GLCE: variants seen among roughly 807,000 people sequenced by gnomAD.
The protein encoded by GLCE is D-glucuronyl C5-epimerase.
In GLCE, 19 loss-of-function variants were observed where a neutral mutation model predicts 47.9. The observed-to-expected ratio is 0.40, with a 90% confidence interval of 0.28 to 0.58. The LOEUF (loss-of-function observed/expected upper bound fraction) is 0.58. Ranked by LOEUF, GLCE falls within the 20% of genes least tolerant of loss-of-function variation. GLCE has a pLI of 0.48. For missense variants in GLCE, 556 were observed against 743.3 expected (o/e 0.75, Z 2.93); for synonymous variants, 245 against 263.4 (o/e 0.93, Z 0.68).
chr15:69,250,608 A>C (rs1873354849), intron 2 of GLCE, among the ~76,000 whole-genome samples: 1 of 151,618 alleles, frequency 6.6e-6, no homozygotes, highest in African/African-American at 2.4e-5. Context: ...ATCACACTCC[A>C]TTTCCAGCCT....
chr15:69,198,085 G>A (rs963879529), intron 1 of GLCE, among the ~76,000 whole-genome samples: 3 of 151,918 alleles, frequency 2.0e-5, no homozygotes, highest in African/African-American at 7.3e-5. Context: ...TCTTATGTCT[G>A]TACCTTACCC....
chr15:69,166,645 C>A (rs943921679), intron 1 of GLCE, among the ~76,000 whole-genome samples: 2 of 152,130 alleles, frequency 1.3e-5, no homozygotes, highest in African/African-American at 2.4e-5. Context: ...CGAGGCCAGG[C>A]GCGGTGGCTT....
intron 1 of GLCE, among the ~76,000 whole-genome samples, chr15:69,172,413 T>G (rs2051602024): frequency 6.6e-6 from 1 of 152,220 alleles, no homozygotes; most frequent in South Asian, 2.1e-4. Flanking sequence ...AAGTGAACTA[T>G]TAATAGTAGA....
intron 2 of GLCE, among the ~76,000 whole-genome samples, chr15:69,253,400 G>A (rs1368607177): frequency 6.6e-6 from 1 of 152,132 alleles, no homozygotes; most frequent in Non-Finnish European, 1.5e-5. Context: ...TCCCCTCCAG[G>A]GGAACAATCT....
At chr15:69,174,091 A>G (rs1442319339) in intron 1 of GLCE, among the ~76,000 whole-genome samples, 1 of 152,164 alleles carries the variant, frequency 6.6e-6, no homozygotes, top group African/African-American at 2.4e-5. Flanking sequence ...TCCTGAGCTC[A>G]AAGTGATCCA....
chr15:69,208,419 G>A (rs919297879), intron 1 of GLCE, among the ~76,000 whole-genome samples: 14 of 151,874 alleles, frequency 9.2e-5, no homozygotes, highest in Non-Finnish European at 1.8e-4. Context: ...ATATGTCTTT[G>A]AACCTTTGAC....
chr15:69,218,394 G>C (rs1253026873), intron 2 of GLCE, among the ~76,000 whole-genome samples: 2 of 151,660 alleles, frequency 1.3e-5, no homozygotes, highest in East Asian at 2.0e-4. Context: ...CATGCCTATA[G>C]TCTCAGCTAC....
At chr15:69,265,806 A>G (rs1360492327) in intron 4 of GLCE, among the ~76,000 whole-genome samples, 2 of 152,196 alleles carry the variant, frequency 1.3e-5, no homozygotes, top group Non-Finnish European at 2.9e-5. Context: ...TTGGACTTCT[A>G]AAGATGGGTC....
chr15:69,255,076 T>G (rs896941003), intron 2 of GLCE, among the ~76,000 whole-genome samples: 2 of 152,142 alleles, frequency 1.3e-5, no homozygotes, highest in Admixed American at 6.5e-5. Context: ...ATTGACTATT[T>G]TATGCTGTTA....
At chr15:69,244,995 G>A (rs949141777) in intron 2 of GLCE, among the ~76,000 whole-genome samples, 2 of 152,110 alleles carry the variant, frequency 1.3e-5, no homozygotes, top group African/African-American at 4.8e-5. Context: ...TGTTTATTCT[G>A]TACTGTAGTC....
rs34602745 is a variant in GLCE, at chr15:69,229,849, T to TA, written c.-14+19452dup. On this transcript the variant is annotated intron_variant, in intron 2 of 4. Coordinates refer to ENST00000261858, the MANE Select transcript of GLCE (RefSeq NM_015554.3). ...AAAATGGAGATTATCTAATTTGATTTAAAAAAAAATTTCATTTACATATTG... is the reference window on the plus strand; with the variant it reads ...AAAATGGAGATTATCTAATTTGATTTAAAAAAAAAATTTCATTTACATATTG... Among the ~76,000 whole-genome samples the TA allele has an allele frequency of 4.5e-4, 69 of 151,850 alleles. 1 individual carries two copies. The highest frequency in any genetic ancestry group is 1.4e-3 in the African/African-American group (58 of 41,414).
At chr15:69,161,021 TC>T (rs1375082467) in intron 1 of GLCE, among the ~76,000 whole-genome samples, 13 of 150,470 alleles carry the variant, frequency 8.6e-5, no homozygotes, top group Non-Finnish European at 1.5e-4. Context: ...TGGGGGCTCT[TC>T]CGGCTTGGGG....
At chr15:69,256,518 C>T (rs2052927781) in intron 3 of GLCE, 126 bp downstream of exon 3, 1 of 702,732 alleles carries the variant, frequency 1.4e-6, no homozygotes, top group African/African-American at 1.8e-5. Flanking sequence ...TCTAATTTAG[C>T]AGGGAGGAAC....
chr15:69,215,183 A>AC (rs1332557490), intron 2 of GLCE, among the ~76,000 whole-genome samples: 1 of 151,930 alleles, frequency 6.6e-6, no homozygotes, highest in South Asian at 2.1e-4. Flanking sequence ...TTCTGTGACC[A>AC]CCCCCGCACC....
intron 1 of GLCE, among the ~76,000 whole-genome samples, chr15:69,164,565 G>A (rs886233047): frequency 6.6e-6 from 1 of 150,720 alleles, no homozygotes; most frequent in Admixed American, 6.6e-5. Context: ...TATAAAATAT[G>A]TGTATAAAAA....
At chr15:69,179,844 G>T (rs1006056198) in intron 1 of GLCE, among the ~76,000 whole-genome samples, 3 of 152,038 alleles carry the variant, frequency 2.0e-5, no homozygotes, top group African/African-American at 7.2e-5. Flanking sequence ...AAAATTAGCT[G>T]GGCGTGGTGG....
intron 4 of GLCE, among the ~76,000 whole-genome samples, chr15:69,264,005 G>A (rs2053049436): frequency 6.6e-6 from 1 of 152,038 alleles, no homozygotes; most frequent in African/African-American, 2.4e-5. Flanking sequence ...TTCTTTGTAT[G>A]GTGTTGGTGG....
At position 69,269,086 on chromosome 15, in the gene GLCE, A is replaced by C. The variant is rs137875799; in HGVS notation, c.1696A>C (p.Met566Leu). The change falls in exon 5 of 5, where the codon ATG (methionine) becomes CTG (leucine). Residue 566 changes from methionine (M) to leucine (L), a missense_variant. By Grantham distance (15) the Met-to-Leu change is conservative. Around this residue, in one of 3 missense-constraint regions of GLCE, gnomAD observed 245 missense variants for 368.1 expected, o/e 0.67. Transcript: ENST00000261858. ...SGTIYDLRHF[M>L]LGIAPNLARW... ...AACCATCTATGACCTCCGTCACTTCATGCTTGGCATCGCTCCTAACCTGGC... is the reference window on the plus strand; with the variant it reads ...AACCATCTATGACCTCCGTCACTTCCTGCTTGGCATCGCTCCTAACCTGGC... 5.0e-6 allele frequency: 8 copies of C among 1,614,038 alleles called. No individual in the cohort carries two copies. The African/African-American group carries it at 9.3e-5, about 19-fold the overall frequency.
chr15:69,182,055 G>A (rs955787038), intron 1 of GLCE, among the ~76,000 whole-genome samples: 2 of 151,908 alleles, frequency 1.3e-5, no homozygotes, highest in East Asian at 3.9e-4. Context: ...TATTTTATTA[G>A]TAAAATAGGA....
Sources: gnomAD v4.1 joint callset for allele counts (sites outside exome capture counted in the v4.1 genomes callset) on GRCh38, gnomAD v4.1.1 for gene constraint, gnomAD v4.1.1 regional missense constraint, MANE v1.5 for transcripts, NCBI Gene and HGNC (gene_info 2026-07-23, HGNC 2026-07-21) for gene names.